Variants in CADM2 observed in about 807,000 individuals in gnomAD.
The protein encoded by CADM2 is cell adhesion molecule 2, also known as immunoglobulin superfamily member 4D.
CADM2 carries 12 observed loss-of-function variants against 49.8 expected under a neutral mutation model. The observed-to-expected ratio is 0.24, with a 90% CI of 0.15 to 0.39. The LOEUF is 0.39. Ranked by LOEUF, CADM2 falls within the 10% of genes least tolerant of loss-of-function variation. The pLI is 1.00. For synonymous variants in CADM2, 214 were observed against 175.4 expected, an observed-to-expected ratio of 1.22 and a Z score of -1.74; for missense variants, 378 against 492.3, an observed-to-expected ratio of 0.77 and a Z score of 2.20.
intron 1 of CADM2, among the ~76,000 whole-genome samples, chr3:85,239,706 A>T (rs1387814168): frequency 6.6e-6 from 1 of 151,382 alleles, no homozygotes; most frequent in East Asian, 1.9e-4. Context: ...CTTTTGTGAG[A>T]CATTTTTTAA....
chr3:85,844,439 C>T (rs139745432), intron 3 of CADM2, among the ~76,000 whole-genome samples: 2,052 of 152,100 alleles, frequency 0.013, 62 homozygotes, highest in Admixed American at 0.067. Context: ...GCTGCTGTAG[C>T]TTTAAGGGGA....
At chr3:85,575,303 G>A (rs1245610577) in intron 1 of CADM2, among the ~76,000 whole-genome samples, 3 of 152,190 alleles carry the variant, frequency 2.0e-5, no homozygotes, top group Non-Finnish European at 4.4e-5. Context: ...TGTAATCCCA[G>A]CACTTTGGTA....
At chr3:85,457,118 AAAAGC>A (rs923480584) in intron 1 of CADM2, among the ~76,000 whole-genome samples, 54 of 152,170 alleles carry the variant, frequency 3.5e-4, no homozygotes, top group Admixed American at 5.9e-4. Flanking sequence ...AAGAAAAAAG[AAAAGC>A]AAAGAAAGGC....
intron 1 of CADM2, among the ~76,000 whole-genome samples, chr3:85,090,557 C>T (rs1448350436): frequency 6.6e-6 from 1 of 152,092 alleles, no homozygotes; most frequent in Admixed American, 6.6e-5. Context: ...TAACATCTGC[C>T]TTCAAACCTA....
intron 1 of CADM2, among the ~76,000 whole-genome samples, chr3:85,687,862 CAGG>C (rs1226526425): frequency 6.6e-6 from 1 of 152,196 alleles, no homozygotes; most frequent in Non-Finnish European, 1.5e-5. Flanking sequence ...GGCTGTACAG[CAGG>C]AGGTGAGCGG....
At chr3:86,012,544 C>A in intron 8 of CADM2, 1 of 1,454,572 alleles carries the variant, frequency 6.9e-7, no homozygotes, top group Non-Finnish European at 9.2e-7. Flanking sequence ...GCTGGGCCAG[C>A]CAGCGGGCGG....
At position 85,034,790 on chromosome 3, in the gene CADM2, C is replaced by CTTTTTT. The variant is rs1179967499; in HGVS notation, c.61+75141_61+75146dup. ...TATCTTTTAGATAAAAGACATTTTG[C>CTTTTTT]TTTTTTTTTTTTTTTTTTTTTTTTA... On this transcript the variant is annotated intron_variant, in intron 1 of 9. Coordinates refer to ENST00000383699, the MANE Select transcript of CADM2 (RefSeq NM_001167675.2). Among the ~76,000 whole-genome samples the CTTTTTT allele has an allele frequency of 4.6e-3, 385 of 84,054 alleles. 27 individuals carry two copies. The highest frequency in any genetic ancestry group is 0.013 in the African/African-American group (237 of 18,502). 55.1% of individuals were successfully genotyped at this position (84,054 alleles called of 152,430 possible). A position where few individuals can be genotyped will look rare whatever the true frequency, so the allele number is the denominator to read the frequency against.
At chr3:85,498,359 T>C (rs78955397) in intron 1 of CADM2, among the ~76,000 whole-genome samples, 3,214 of 152,238 alleles carry the variant, frequency 0.021, 55 homozygotes, top group Middle Eastern at 0.054. Context: ...GCTATAATGC[T>C]GTTGGTCCTA....
intron 1 of CADM2, among the ~76,000 whole-genome samples, chr3:85,146,676 A>T (rs2039753707): frequency 6.6e-6 from 1 of 152,172 alleles, no homozygotes; most frequent in South Asian, 2.1e-4. Context: ...TAAATTTTTA[A>T]GTTTCCAAAT....
intron 1 of CADM2, among the ~76,000 whole-genome samples, chr3:85,426,095 G>A (rs1270378654): frequency 6.6e-6 from 1 of 151,856 alleles, no homozygotes; most frequent in Non-Finnish European, 1.5e-5. Context: ...CCATGTGCAG[G>A]CATAATGCAG....
chr3:85,666,181 C>A (rs964453335), intron 1 of CADM2, among the ~76,000 whole-genome samples: 1 of 151,988 alleles, frequency 6.6e-6, no homozygotes, highest in African/African-American at 2.4e-5. Flanking sequence ...ATACAACTTA[C>A]AAGGGATGTG....
chr3:85,136,335 A>ATGTG (rs5850671), intron 1 of CADM2, among the ~76,000 whole-genome samples: 66 of 149,366 alleles, frequency 4.4e-4, no homozygotes, highest in African/African-American at 1.2e-3. Context: ...GTACTGAGTA[A>ATGTG]TGTGTGTGTG....
chr3:85,973,968 T>C (rs1009672632), intron 8 of CADM2, among the ~76,000 whole-genome samples: 1 of 151,712 alleles, frequency 6.6e-6, no homozygotes, highest in African/African-American at 2.4e-5. Flanking sequence ...TTTTGTTAGG[T>C]ATCAGGAAAG....
In CADM2 at chr3:84,996,814, T is replaced by C. The variant is rs532518701; in HGVS notation, c.61+37146T>C. Among the ~76,000 whole-genome samples, 9 of 152,230 alleles carry C rather than the reference T, an allele frequency of 5.9e-5. No individual in the cohort carries two copies. In the South Asian group the frequency reaches 1.9e-3, roughly 31 times the overall value. Reference sequence around the variant, plus strand: ...TAGCAATGTCCTCTGGATCAGTTTCTCTCAGTAATTTTGAATAATTCTATG... The same window carrying C: ...TAGCAATGTCCTCTGGATCAGTTTCCCTCAGTAATTTTGAATAATTCTATG... On this transcript the variant is annotated intron_variant, in intron 1 of 9. Coordinates refer to ENST00000383699, the MANE Select transcript of CADM2 (RefSeq NM_001167675.2).
intron 1 of CADM2, among the ~76,000 whole-genome samples, chr3:85,216,094 G>T (rs934942137): frequency 3.3e-5 from 5 of 151,674 alleles, no homozygotes; most frequent in Admixed American, 3.3e-4. Context: ...GGGGATAGTT[G>T]TTCAATATGG....
chr3:85,139,741 T>C (rs1271707018), intron 1 of CADM2, among the ~76,000 whole-genome samples: 1 of 152,190 alleles, frequency 6.6e-6, no homozygotes, highest in Non-Finnish European at 1.5e-5. Context: ...TAATGAAGAA[T>C]TGTGTCCATT....
intron 3 of CADM2, among the ~76,000 whole-genome samples, chr3:85,812,154 G>A (rs1316492051): frequency 1.3e-5 from 2 of 152,074 alleles, no homozygotes; most frequent in African/African-American, 4.8e-5. Context: ...AAGGGATACA[G>A]GGCAAGGGAA....
At chr3:85,220,367 C>G (rs1485419494) in intron 1 of CADM2, among the ~76,000 whole-genome samples, 1 of 152,070 alleles carries the variant, frequency 6.6e-6, no homozygotes, top group Admixed American at 6.5e-5. Context: ...TAGACAAAGA[C>G]CAATATACTC....
intron 1 of CADM2, among the ~76,000 whole-genome samples, chr3:85,088,266 G>A (rs1429600752): frequency 6.6e-6 from 1 of 151,964 alleles, no homozygotes; most frequent in Non-Finnish European, 1.5e-5. Context: ...AAACCAGCTG[G>A]GGCACATGTA....
Sources: allele counts gnomAD v4.1 joint callset (sites outside exome capture counted in the v4.1 genomes callset), GRCh38; gene constraint gnomAD v4.1.1; transcripts MANE v1.5; gene names NCBI Gene and HGNC (gene_info 2026-07-23, HGNC 2026-07-21).